CMIP: variants seen among roughly 807,000 people sequenced by gnomAD.
CMIP encodes the protein c-Maf inducing protein.
Under a neutral mutation model 97.3 loss-of-function variants are expected in CMIP, and 13 were observed. The observed-to-expected ratio is 0.13, with a 90% CI of 0.09 to 0.21. CMIP has a LOEUF of 0.21. CMIP is among the 10% of genes least tolerant of loss of function. The pLI, the probability that CMIP is intolerant of heterozygous loss-of-function variation, is 1.00. For synonymous variants in CMIP, 538 were observed against 436.3 expected (o/e 1.23, Z -2.91); for missense variants, 847 against 1,024.9 (o/e 0.83, Z 2.37).
intron 1 of CMIP, among the ~76,000 whole-genome samples, chr16:81,548,130 C>CT (rs11351275): frequency 0.27 from 29,943 of 111,824 alleles, 4,462 homozygotes; most frequent in East Asian, 0.47. Context: ...GGATGGATCA[C>CT]TTTTTTTTTT....
chr16:81,635,417 A>G (rs754100883), intron 3 of CMIP, among the ~76,000 whole-genome samples: 3 of 152,194 alleles, frequency 2.0e-5, no homozygotes, highest in Non-Finnish European at 4.4e-5. Context: ...CCTCTGCTTA[A>G]TGACCCTTGA....
chr16:81,687,351 C>T (rs1446947199), intron 10 of CMIP, among the ~76,000 whole-genome samples: 1 of 152,178 alleles, frequency 6.6e-6, no homozygotes, highest in Non-Finnish European at 1.5e-5. Context: ...GGGACTGCTC[C>T]AGTGGCCACC....
intron 1 of CMIP, among the ~76,000 whole-genome samples, chr16:81,581,217 G>A (rs187163266): frequency 2.0e-5 from 3 of 152,252 alleles, no homozygotes; most frequent in Middle Eastern, 3.4e-3. Flanking sequence ...TTTGGCTGTC[G>A]TGAATAAGCG....
chr16:81,605,991 C>T (rs1279034571), intron 1 of CMIP, among the ~76,000 whole-genome samples: 1 of 152,224 alleles, frequency 6.6e-6, no homozygotes, highest in African/African-American at 2.4e-5. Context: ...CAGCTTCAGC[C>T]ATCAACCCTC....
At chr16:81,476,730 T>G (rs1167420345) in intron 1 of CMIP, among the ~76,000 whole-genome samples, 1 of 152,240 alleles carries the variant, frequency 6.6e-6, no homozygotes, top group East Asian at 1.9e-4. Context: ...TCTAGATTGC[T>G]TCTAGATTTT....
At chr16:81,694,351 G>A (rs553016764) in intron 13 of CMIP, among the ~76,000 whole-genome samples, 4 of 152,314 alleles carry the variant, frequency 2.6e-5, no homozygotes, top group African/African-American at 4.8e-5. Context: ...GGGGAAGGAT[G>A]AGCAGAGGAC....
intron 1 of CMIP, among the ~76,000 whole-genome samples, chr16:81,504,656 A>AAG (rs2089673646): frequency 6.7e-6 from 1 of 149,882 alleles, no homozygotes; most frequent in Non-Finnish European, 1.5e-5. Flanking sequence ...AAAAAAAAAA[A>AAG]AAAAAAAAAA....
intron 3 of CMIP, chr16:81,651,088 C>G (rs1011694143): frequency 1.3e-5 from 2 of 152,356 alleles, no homozygotes; most frequent in Admixed American, 6.5e-5. Flanking sequence ...TCCTCTCCCC[C>G]CTCCTCTTTC....
intron 17 of CMIP, among the ~76,000 whole-genome samples, chr16:81,703,596 TACAG>T (rs1238536351): frequency 1.4e-5 from 2 of 144,938 alleles, no homozygotes; most frequent in East Asian, 2.0e-4. Flanking sequence ...TATACACACA[TACAG>T]GCACACACAC....
chr16:81,584,862 T>C (rs2091355099), intron 1 of CMIP, among the ~76,000 whole-genome samples: 3 of 152,242 alleles, frequency 2.0e-5, no homozygotes, highest in African/African-American at 7.2e-5. Flanking sequence ...TGAAGCCTGC[T>C]GGGCCTGGAT....
chr16:81,506,104 C>T (rs567609436), intron 1 of CMIP, among the ~76,000 whole-genome samples: 1 of 152,238 alleles, frequency 6.6e-6, no homozygotes, highest in Non-Finnish European at 1.5e-5. Context: ...TATTCATCCT[C>T]CTGCAACCCT....
chr16:81,673,413 G>C (rs892460436), intron 9 of CMIP, among the ~76,000 whole-genome samples: 20 of 152,184 alleles, frequency 1.3e-4, no homozygotes, highest in African/African-American at 4.6e-4. Flanking sequence ...CTACTCAGGA[G>C]GCTGAGGCGG....
intron 1 of CMIP, among the ~76,000 whole-genome samples, chr16:81,596,303 C>A (rs963152827): frequency 1.3e-5 from 2 of 151,938 alleles, no homozygotes; most frequent in Admixed American, 6.6e-5. Context: ...GTCAGGAGTT[C>A]AAGACCAGCC....
intron 1 of CMIP, among the ~76,000 whole-genome samples, chr16:81,531,356 C>G (rs915485404): frequency 6.6e-6 from 1 of 152,236 alleles, no homozygotes; most frequent in Admixed American, 6.5e-5. Context: ...GAAATCAACC[C>G]TGTTGACATC....
chr16:81,495,737 C>T (rs2089477955), intron 1 of CMIP, among the ~76,000 whole-genome samples: 2 of 152,214 alleles, frequency 1.3e-5, no homozygotes, highest in Non-Finnish European at 2.9e-5. Flanking sequence ...TGAGAGCTGT[C>T]ACCTCCTCCT....
intron 9 of CMIP, among the ~76,000 whole-genome samples, chr16:81,676,773 A>G (rs1904323750): frequency 6.6e-6 from 1 of 152,166 alleles, no homozygotes; most frequent in Admixed American, 6.5e-5. Context: ...AGTTCTGCAC[A>G]CAGCCCTTGG....
At chr16:81,673,675 C>T (rs1363122674) in intron 9 of CMIP, among the ~76,000 whole-genome samples, 1 of 152,238 alleles carries the variant, frequency 6.6e-6, no homozygotes, top group East Asian at 1.9e-4. Context: ...GGGATAGTCA[C>T]TCACCAGCTC....
chr16:81,682,717 T>C (rs1027706743), intron 10 of CMIP, among the ~76,000 whole-genome samples: 1 of 152,202 alleles, frequency 6.6e-6, no homozygotes, highest in African/African-American at 2.4e-5. Context: ...TGTTTCCCGC[T>C]CCACTGCCAG....
Position 81,444,913 on chromosome 16 carries a change from C to T in CMIP, c.-329C>T, listed in dbSNP as rs1905727904. On this transcript the variant is annotated 5_prime_UTR_variant, in exon 1 of 21. Transcript: ENST00000537098. ...CCACCCCGCCGCCCCCACCCCGGCG[C>T]CCGCCCTCCGCGCCTGGCCCCGGCC... Among the ~76,000 whole-genome samples, 1 of 130,738 alleles carries T rather than the reference C, an allele frequency of 7.6e-6. No individual in the cohort carries two copies. Among genetic ancestry groups the T allele is most frequent in the Non-Finnish European group, 1.7e-5 (1 of 59,460 alleles). 85.8% of individuals were successfully genotyped at this position (130,738 alleles called of 152,430 possible).
Sources: allele counts gnomAD v4.1 joint callset (sites outside exome capture counted in the v4.1 genomes callset), GRCh38; gene constraint gnomAD v4.1.1; transcripts MANE v1.5; gene names NCBI Gene and HGNC (gene_info 2026-07-23, HGNC 2026-07-21).